The following SLCO4C1 variants were observed in gnomAD, a reference collection of about 807,000 sequenced individuals.
The protein encoded by SLCO4C1 is organic anion transporter M1.
Under a neutral mutation model 72.1 loss-of-function variants are expected in SLCO4C1, and 58 were observed. That is an observed-to-expected ratio of 0.80 (90% CI 0.65 to 1.00). The LOEUF is 1.00. Among genes scored for constraint, SLCO4C1 ranks in the 50% least tolerant of loss-of-function variants. The pLI, the probability that SLCO4C1 is intolerant of heterozygous loss-of-function variation, is 0.00. For synonymous variants in SLCO4C1, 297 were observed against 312.5 expected (o/e 0.95, Z 0.52); for missense variants, 898 against 857.9 (o/e 1.05, Z -0.58).
At chr5:102,239,141 A>T in intron 12 of SLCO4C1, 110 bp downstream of exon 12, 2 of 974,868 alleles carry the variant, frequency 2.1e-6, no homozygotes, top group South Asian at 4.5e-5. Context: ...TGGTTCAACA[A>T]TGTGGACTGA....
In SLCO4C1 at chr5:102,249,509, TC is replaced by T. The variant is rs1390632082; in HGVS notation, c.1620+128del. On this transcript the variant is annotated intron_variant, in intron 9 of 12. Transcript: ENST00000310954. ...AAAGAATCTATTTCAGCTGGAGACA[TC>T]ATGGGCTGCTTAACGGAGGCAATGG... The T allele has an allele frequency of 4.6e-6, 4 of 876,332 alleles. No homozygotes were observed. In the East Asian group the frequency reaches 1.0e-4, roughly 22 times the overall value. The allele number at this position is 876,332 out of a possible 1,614,324, so 54.3% of individuals were successfully genotyped here. A position where few individuals can be genotyped will look rare whatever the true frequency, so the allele number is the denominator to read the frequency against.
chr5:102,284,586 C>T lies in SLCO4C1; in HGVS notation c.619+6757G>A, dbSNP rs1030078598. Among the ~76,000 whole-genome samples the T allele has an allele frequency of 2.6e-5, 4 of 152,010 alleles. No individual in the cohort carries two copies. In the East Asian group the frequency reaches 7.7e-4, roughly 29 times the overall value. On this transcript the variant is annotated intron_variant, in intron 2 of 12. Transcript: ENST00000310954. ...CCCCTAACTAAAGATTCACAGAATG[C>T]ATTTGCTTTATAGTGCTGCAATAAA...
At chr5:102,260,186 G>T (rs1748909722) in intron 6 of SLCO4C1, 27 bp downstream of exon 6, 3 of 905,464 alleles carry the variant, frequency 3.3e-6, no homozygotes, top group Non-Finnish European at 4.6e-6. Context: ...GAGACTGAGA[G>T]AGAGACAGAG....
At chr5:102,237,700 G>A (rs1748465635) in intron 12 of SLCO4C1, among the ~76,000 whole-genome samples, 2 of 152,140 alleles carry the variant, frequency 1.3e-5, no homozygotes, top group African/African-American at 4.8e-5. Flanking sequence ...AAAGTAGTTT[G>A]TAACATTCTT....
intron 3 of SLCO4C1, among the ~76,000 whole-genome samples, chr5:102,265,545 A>G (rs1749021302): frequency 6.6e-6 from 1 of 152,230 alleles, no homozygotes; most frequent in South Asian, 2.1e-4. Flanking sequence ...ATCAATATCC[A>G]GTTATTACAG....
At chr5:102,258,954 G>T (rs929544698) in intron 6 of SLCO4C1, among the ~76,000 whole-genome samples, 1 of 151,664 alleles carries the variant, frequency 6.6e-6, no homozygotes, top group African/African-American at 2.4e-5. Flanking sequence ...AAGAATTAAT[G>T]AAAAAAGACA....
At chr5:102,287,955 AACACC>A (rs1476201736) in intron 2 of SLCO4C1, among the ~76,000 whole-genome samples, 1 of 152,128 alleles carries the variant, frequency 6.6e-6, no homozygotes, top group Non-Finnish European at 1.5e-5. Flanking sequence ...TCATATTATA[AACACC>A]TACACATACC....
chr5:102,239,239 G>A lies in SLCO4C1; in HGVS notation c.2014+12C>T. ...TAGTTTACTCTAAAATTATCAAGAA[G>A]TCACCACTTACTTATGGCTACTAGC... is the stretch of plus-strand genomic sequence containing the variant. On this transcript the variant is annotated intron_variant, in intron 12 of 12. Transcript: ENST00000310954. 6.5e-7 allele frequency: 1 copy of A among 1,538,990 alleles called. No individual in the cohort carries two copies.
Position 102,236,858 on chromosome 5 carries a change from T to C in SLCO4C1, c.2175A>G (p.Ter725TrpextTer42), listed in dbSNP as rs1017106027. ...QDLNKIVKEG[*>W] Reference sequence around the variant, plus strand: ...TAAAACAGTCTTCTCTTTTCCCATTTCACCCTTCTTTTACTATTTTGTTGA... The same window carrying C: ...TAAAACAGTCTTCTCTTTTCCCATTCCACCCTTCTTTTACTATTTTGTTGA... Residue 725 changes from the stop codon to tryptophan (W), a stop_lost, in exon 13 of 13, where the codon TGA becomes TGG. Coordinates refer to ENST00000310954, the MANE Select transcript of SLCO4C1 (RefSeq NM_180991.5). 3 of 1,611,138 alleles carry C rather than the reference T, an allele frequency of 1.9e-6. No individual in the cohort carries two copies. Among genetic ancestry groups the C allele is most frequent in the Non-Finnish European group, 2.5e-6 (3 of 1,179,318 alleles).
chr5:102,279,527 A>G (rs144444603), intron 2 of SLCO4C1, among the ~76,000 whole-genome samples: 1,752 of 152,166 alleles, frequency 0.012, 25 homozygotes, highest in African/African-American at 0.04. Context: ...ATTTCAGAAA[A>G]TAGTAGAGGA....
intron 2 of SLCO4C1, among the ~76,000 whole-genome samples, chr5:102,281,680 A>G (rs550969406): frequency 1.7e-4 from 26 of 152,262 alleles, no homozygotes; most frequent in African/African-American, 6.3e-4. Flanking sequence ...AAGATGCTCA[A>G]TGTTATCAGC....
chr5:102,292,277 G>A (rs1465683947), intron 1 of SLCO4C1, among the ~76,000 whole-genome samples: 2 of 152,118 alleles, frequency 1.3e-5, no homozygotes, highest in African/African-American at 2.4e-5. Flanking sequence ...CAGTTTGATA[G>A]AGTTTCCAAG....
intron 11 of SLCO4C1, among the ~76,000 whole-genome samples, chr5:102,240,379 A>C (rs1748515215): frequency 6.6e-6 from 1 of 152,120 alleles, no homozygotes; most frequent in Non-Finnish European, 1.5e-5. Flanking sequence ...CATCATTTTT[A>C]ATTGCTAGTG....
At position 102,250,983 on chromosome 5, in the gene SLCO4C1, T is replaced by TA. The variant is rs1481042009; in HGVS notation, c.1470-1196dup. Among the ~76,000 whole-genome samples, 189 of 149,236 alleles carry TA rather than the reference T, an allele frequency of 1.3e-3. 2 individuals are homozygous for TA. The highest frequency in any genetic ancestry group is 6.0e-4 in the Non-Finnish European group (40 of 67,134). ...GCCTGGGCAACAGAGTGAGACTCCATACAAAAAAAATCGTAAAAAATATAT... is the reference window on the plus strand; with the variant it reads ...GCCTGGGCAACAGAGTGAGACTCCATAACAAAAAAAATCGTAAAAAATATAT... On this transcript the variant is annotated intron_variant, in intron 8 of 12. Transcript: ENST00000310954.
intron 3 of SLCO4C1, among the ~76,000 whole-genome samples, chr5:102,268,252 T>C (rs1204346266): frequency 1.3e-5 from 2 of 152,178 alleles, no homozygotes; most frequent in Non-Finnish European, 2.9e-5. Flanking sequence ...TTGATTTATA[T>C]ATGTGCATGC....
intron 2 of SLCO4C1, among the ~76,000 whole-genome samples, chr5:102,289,678 A>G (rs1749518955): frequency 6.6e-6 from 1 of 152,244 alleles, no homozygotes; most frequent in African/African-American, 2.4e-5. Flanking sequence ...AACTATTCCC[A>G]GTGAAATTAT....
chr5:102,261,420 TAAAAG>T (rs1387798014), intron 5 of SLCO4C1, among the ~76,000 whole-genome samples: 1 of 122,336 alleles, frequency 8.2e-6, no homozygotes, highest in Non-Finnish European at 1.8e-5. Context: ...TCAAAAAACA[TAAAAG>T]AAAGAAAGAA....
intron 3 of SLCO4C1, among the ~76,000 whole-genome samples, chr5:102,270,067 C>A (rs2112374556): frequency 6.6e-6 from 1 of 151,990 alleles, no homozygotes; most frequent in Middle Eastern, 3.4e-3. Flanking sequence ...GATTAACAGA[C>A]TGATAAAGAG....
rs956834817 is a variant in SLCO4C1, at chr5:102,262,096, G to A, written c.900-63C>T. The A allele has an allele frequency of 3.5e-6, 5 of 1,438,456 alleles. No homozygotes were observed. In the African/African-American group the frequency reaches 7.2e-5, roughly 21 times the overall value. 89.1% of individuals were successfully genotyped at this position (1,438,456 alleles called of 1,614,324 possible). On this transcript the variant is annotated intron_variant, in intron 4 of 12. Transcript: ENST00000310954. ...ACCTTATTAATTAAAACTCAGTTAG[G>A]ATAATCATATACTTTATACTTCAAG...
Sources: gnomAD v4.1 joint callset for allele counts (sites outside exome capture counted in the v4.1 genomes callset) on GRCh38, gnomAD v4.1.1 for gene constraint, MANE v1.5 for transcripts, NCBI Gene and HGNC (gene_info 2026-07-23, HGNC 2026-07-21) for gene names.